Variants in CUBN observed in about 807,000 individuals in gnomAD.
CUBN encodes 460 kDa receptor.
In CUBN, 282 loss-of-function variants were observed where a neutral mutation model predicts 405.3. That is an observed-to-expected ratio of 0.70 (90% confidence interval 0.63 to 0.77). The LOEUF is 0.77. CUBN is among the 30% of genes least tolerant of loss of function. The pLI, the probability that CUBN is intolerant of heterozygous loss-of-function variation, is 0.00. For missense variants in CUBN, 4,514 were observed against 4,475.2 expected, an observed-to-expected ratio of 1.01 and a Z score of -0.25; for synonymous variants, 1,684 against 1,617.0, an observed-to-expected ratio of 1.04 and a Z score of -0.99.
intron 17 of CUBN, among the ~76,000 whole-genome samples, chr10:17,075,075 T>C (rs78616983): frequency 1.2e-5 from 1 of 81,580 alleles, no homozygotes; most frequent in Non-Finnish European, 2.6e-5. Flanking sequence ...TTTGTTTTCT[T>C]TTTTTTTTTT....
intron 33 of CUBN, among the ~76,000 whole-genome samples, chr10:16,952,014 G>A (rs528655807): frequency 4.7e-4 from 72 of 152,116 alleles, no homozygotes; most frequent in African/African-American, 1.4e-3. Flanking sequence ...GTTGTTGTGC[G>A]TGTGTGTGTT....
chr10:17,052,147 T>G (rs188781755), intron 22 of CUBN, among the ~76,000 whole-genome samples: 2 of 152,150 alleles, frequency 1.3e-5, no homozygotes, highest in African/African-American at 4.8e-5. Context: ...GGAATACATC[T>G]TTAAAATGTT....
chr10:16,956,409 T>G (rs1392814020), intron 31 of CUBN, among the ~76,000 whole-genome samples: 1 of 151,998 alleles, frequency 6.6e-6, no homozygotes, highest in Non-Finnish European at 1.5e-5. Flanking sequence ...TAAATTCCAT[T>G]TTTCTAACCA....
At chr10:17,066,660 G>A (rs960509950) in intron 21 of CUBN, among the ~76,000 whole-genome samples, 4 of 151,970 alleles carry the variant, frequency 2.6e-5, no homozygotes, top group Non-Finnish European at 4.4e-5. Context: ...TTCAGCAAAC[G>A]TTCTGTATTT....
At chr10:17,039,388 C>G (rs1215642502) in intron 27 of CUBN, among the ~76,000 whole-genome samples, 2 of 152,130 alleles carry the variant, frequency 1.3e-5, no homozygotes, top group African/African-American at 4.8e-5. Context: ...TTACTGAACT[C>G]CTGTAATGTC....
Position 17,129,644 on chromosome 10 carries a change from T to C in CUBN, c.122A>G (p.Gln41Arg). 1 of 1,614,224 alleles carries C rather than the reference T, an allele frequency of 6.2e-7. No individual in the cohort carries two copies. The highest frequency in any genetic ancestry group is 8.5e-7 in the Non-Finnish European group (1 of 1,180,012). The change falls in exon 1 of 67, where the codon CAG (glutamine) becomes CGG (arginine). Residue 41 changes from glutamine to arginine, a missense_variant and splice_region_variant. Transcript: ENST00000377833. ...QRQKRSINLQ[Q>R]PRMATERGNL... ...AGGAATGACCCATGTGTTTACTTAC[T>C]GTTGGAGATTGATGCTTCTTTTTTG...
At position 16,979,196 on chromosome 10, in the gene CUBN, C is replaced by T. The variant is rs377680585; in HGVS notation, c.4695+3288G>A. 5.1e-3 allele frequency among the ~76,000 whole-genome samples: 777 copies of T among 152,198 alleles called. 12 individuals carry two copies. The highest frequency in any genetic ancestry group is 0.018 in the African/African-American group (739 of 41,518). On this transcript the variant is annotated intron_variant, in intron 31 of 66. Transcript: ENST00000377833. ...CACTGCTCAAGGAAATAAGAGAGGA[C>T]ACAAACAAATGGAAAAACATTCCAT...
intron 29 of CUBN, among the ~76,000 whole-genome samples, chr10:16,985,989 G>A (rs1833406440): frequency 6.6e-6 from 1 of 152,220 alleles, no homozygotes; most frequent in Non-Finnish European, 1.5e-5. Context: ...AGGTTTCTCA[G>A]TCTCCTCTGG....
intron 49 of CUBN, among the ~76,000 whole-genome samples, chr10:16,906,710 C>T (rs1841566152): frequency 1.3e-5 from 2 of 152,282 alleles, no homozygotes. Context: ...TTAATATTTA[C>T]TTTAGAGGAA....
Position 17,109,805 on chromosome 10 carries a change from T to G in CUBN, c.1016-70A>C, listed in dbSNP as rs542282470. ...ATGGGAGGACAAAGCCTGTCTAGGA[T>G]TCAAATATCATGAAATGGACCAATC... On this transcript the variant is annotated intron_variant, in intron 9 of 66. Transcript: ENST00000377833. The G allele has an allele frequency of 3.3e-6, 4 of 1,230,302 alleles. No homozygotes were observed. The South Asian group carries it at 4.9e-5, about 15-fold the overall frequency. The allele number at this position is 1,230,302 out of a possible 1,614,324, so 76.2% of individuals were successfully genotyped here. A position where few individuals can be genotyped will look rare whatever the true frequency, so the allele number is the denominator to read the frequency against.
At chr10:16,888,275 AAG>A in intron 56 of CUBN, 140 bp downstream of exon 56, 2 of 695,546 alleles carry the variant, frequency 2.9e-6, no homozygotes, top group Non-Finnish European at 5.0e-6. Flanking sequence ...AAAAAGTGCT[AAG>A]TAAGTGAGTG....
At chr10:16,970,131 A>T (rs1843511344) in intron 31 of CUBN, among the ~76,000 whole-genome samples, 1 of 152,252 alleles carries the variant, frequency 6.6e-6, no homozygotes, top group African/African-American at 2.4e-5. Flanking sequence ...AGTGTCTGGT[A>T]CATATTTGGC....
Position 16,888,557 on chromosome 10 carries a change from C to T in CUBN, c.8765G>A (p.Ser2922Asn), listed in dbSNP as rs777692110. The change falls in exon 56 of 67, where the codon AGT (serine) becomes AAT (asparagine). Residue 2922 changes from serine (S) to asparagine (N), a missense_variant. Physicochemically the swap from Ser to Asn is conservative, Grantham distance 46. Coordinates refer to ENST00000377833, the MANE Select transcript of CUBN (RefSeq NM_001081.4). ...FSASFVSRCGSNFTGPSGYII... is the reference protein window; with the variant it reads ...FSASFVSRCGNNFTGPSGYII... ...GTAACCTGAAGGGCCAGTGAAATTACTTCCACATCCTATGTGGGAACAAAA... is the reference window on the plus strand; with the variant it reads ...GTAACCTGAAGGGCCAGTGAAATTATTTCCACATCCTATGTGGGAACAAAA... 6.9e-5 allele frequency: 111 copies of T among 1,613,408 alleles called. 1 individual carries two copies. The highest frequency in any genetic ancestry group is 1.3e-4 in the Admixed American group (8 of 60,008).
intron 56 of CUBN, among the ~76,000 whole-genome samples, chr10:16,882,875 A>G (rs889044720): frequency 2.0e-5 from 3 of 152,080 alleles, no homozygotes; most frequent in South Asian, 2.1e-4. Flanking sequence ...TTAGCTGGGC[A>G]TGGTGTCTGG....
chr10:16,951,106 C>T (rs1842911225), intron 33 of CUBN, among the ~76,000 whole-genome samples: 1 of 152,138 alleles, frequency 6.6e-6, no homozygotes, highest in Non-Finnish European at 1.5e-5. Context: ...GTTCTTGAAC[C>T]AGTGAGATCT....
chr10:16,866,307 C>A (rs1202723784), intron 59 of CUBN, among the ~76,000 whole-genome samples: 1 of 152,168 alleles, frequency 6.6e-6, no homozygotes, highest in East Asian at 1.9e-4. Flanking sequence ...ATAGGCCAAG[C>A]AACTCTCTGG....
rs1266056404 is a variant in CUBN, at chr10:17,129,633, T to C, written c.122+11A>G. On this transcript the variant is annotated intron_variant, in intron 1 of 66. Coordinates refer to ENST00000377833, the MANE Select transcript of CUBN (RefSeq NM_001081.4). The stretch of plus-strand genomic sequence containing the variant: ...AGTCCCTGAGCAGGAATGACCCATG[T>C]GTTTACTTACTGTTGGAGATTGATG... 6.2e-7 allele frequency: 1 copy of C among 1,614,088 alleles called. No individual in the cohort carries two copies. Among genetic ancestry groups the C allele is most frequent in the Non-Finnish European group, 8.5e-7 (1 of 1,180,020 alleles).
chr10:16,840,891 T>C lies in CUBN; in HGVS notation c.9820A>G (p.Met3274Val). The C allele has an allele frequency of 1.2e-6, 2 of 1,610,886 alleles. No homozygotes were observed. Among genetic ancestry groups the C allele is most frequent in the Non-Finnish European group, 1.7e-6 (2 of 1,178,030 alleles). Residue 3274 changes from methionine to valine, a missense_variant, in exon 61 of 67, where the codon ATG (methionine) becomes GTG (valine). Physicochemically the swap from Met to Val is conservative, Grantham distance 21 (BLOSUM62 1). Coordinates refer to ENST00000377833, the MANE Select transcript of CUBN (RefSeq NM_001081.4). ...REGFNATYTI[M>V]DMPCGGTYNA... ...AATGCTTCTATTTACTCACTGTCCA[T>C]GATGGTGTATGTAGCATTAAATCCT... is the stretch of plus-strand genomic sequence containing the variant.
intron 27 of CUBN, among the ~76,000 whole-genome samples, chr10:17,031,309 T>G (rs1834782447): frequency 6.6e-6 from 1 of 152,224 alleles, no homozygotes; most frequent in Non-Finnish European, 1.5e-5. Context: ...TTCTCTTACA[T>G]CAGCATCAGT....
Sources: allele counts gnomAD v4.1 joint callset (sites outside exome capture counted in the v4.1 genomes callset), GRCh38; gene constraint gnomAD v4.1.1; transcripts MANE v1.5; gene names NCBI Gene and HGNC (gene_info 2026-07-23, HGNC 2026-07-21).